Variants in TNNI3K observed in about 807,000 individuals in gnomAD.
TNNI3K encodes the protein serine/threonine-protein kinase TNNI3K.
Under a neutral mutation model 114.5 loss-of-function variants are expected in TNNI3K, and 140 were observed. The ratio of observed to expected loss-of-function variants is 1.22; its 90% CI spans 1.07 to 1.41. The LOEUF (loss-of-function observed/expected upper bound fraction) is 1.41, where lower values mean the gene tolerates loss of function less well. TNNI3K is among the 40% of genes most tolerant of loss of function. The pLI, the probability that TNNI3K is intolerant of heterozygous loss-of-function variation, is 0.00. For missense variants in TNNI3K, 1,125 were observed against 1,007.6 expected, an observed-to-expected ratio of 1.12 and a Z score of -1.58; for synonymous variants, 347 against 347.5, an observed-to-expected ratio of 1.00 and a Z score of 0.02.
intron 17 of TNNI3K, among the ~76,000 whole-genome samples, chr1:74,377,342 A>G (rs1439107001): frequency 6.6e-6 from 1 of 152,030 alleles, no homozygotes; most frequent in East Asian, 1.9e-4. Flanking sequence ...CACCCATGGT[A>G]CCTATGGCAC....
At chr1:74,441,981 GA>G (rs1570624277) in intron 20 of TNNI3K, among the ~76,000 whole-genome samples, 1 of 152,092 alleles carries the variant, frequency 6.6e-6, no homozygotes, top group East Asian at 1.9e-4. Flanking sequence ...TCCATCTTAT[GA>G]AAATTTTAAA....
intron 5 of TNNI3K, among the ~76,000 whole-genome samples, chr1:74,289,345 A>G (rs193226861): frequency 2.6e-5 from 4 of 152,120 alleles, no homozygotes; most frequent in Middle Eastern, 3.4e-3. Context: ...TCCCCATTTA[A>G]TATATCTTTT....
chr1:74,471,682 T>C (rs775560251), intron 21 of TNNI3K: 12 of 400,960 alleles, frequency 3.0e-5, no homozygotes, highest in Non-Finnish European at 4.4e-5. Flanking sequence ...CCTATTTATT[T>C]CTACTAAATC....
chr1:74,315,827 A>G (rs1182160657), intron 5 of TNNI3K, among the ~76,000 whole-genome samples: 2 of 152,136 alleles, frequency 1.3e-5, no homozygotes, highest in Admixed American at 6.5e-5. Flanking sequence ...TGTGTTCTAC[A>G]TATTTTTCTT....
intron 17 of TNNI3K, among the ~76,000 whole-genome samples, chr1:74,383,206 C>A (rs1001727528): frequency 3.1e-4 from 47 of 151,698 alleles, no homozygotes; most frequent in African/African-American, 1.1e-3. Context: ...GACAAAGTTT[C>A]TTCTTTTTTG....
intron 19 of TNNI3K, 155 bp from the exon 20 acceptor site, chr1:74,439,335 A>T: frequency 1.7e-6 from 2 of 1,195,588 alleles, no homozygotes; most frequent in Non-Finnish European, 2.2e-6. Context: ...TGTTTATTGC[A>T]CACACTGAGG....
chr1:74,522,994 C>G (rs1057139086), intron 23 of TNNI3K, among the ~76,000 whole-genome samples: 15 of 152,284 alleles, frequency 9.9e-5, no homozygotes, highest in Non-Finnish European at 2.1e-4. Context: ...AGGGGAAACC[C>G]CATGCATTCA....
At chr1:74,279,920 A>C (rs1448524637) in intron 5 of TNNI3K, among the ~76,000 whole-genome samples, 3 of 152,236 alleles carry the variant, frequency 2.0e-5, no homozygotes, top group African/African-American at 4.8e-5. Context: ...CAATTGAAAA[A>C]TGGGCTGAGA....
At chr1:74,249,799 G>T (rs1020288961) in intron 3 of TNNI3K, among the ~76,000 whole-genome samples, 1 of 152,074 alleles carries the variant, frequency 6.6e-6, no homozygotes, top group Non-Finnish European at 1.5e-5. Flanking sequence ...AAATCAAAAA[G>T]CACTTTTCAA....
At chr1:74,357,944 C>G (rs1661749304) in intron 11 of TNNI3K, among the ~76,000 whole-genome samples, 1 of 152,066 alleles carries the variant, frequency 6.6e-6, no homozygotes, top group African/African-American at 2.4e-5. Flanking sequence ...ATCCTCTGCC[C>G]TAATCACCAG....
At chr1:74,469,178 T>C (rs907255728) in intron 21 of TNNI3K, 20 of 152,102 alleles carry the variant, frequency 1.3e-4, no homozygotes, top group African/African-American at 4.6e-4. Context: ...TCTAAAATGA[T>C]TGAAGCTGAG....
intron 2 of TNNI3K, 112 bp from the exon 3 acceptor site, chr1:74,249,346 GA>G: frequency 2.7e-6 from 3 of 1,113,432 alleles, no homozygotes; most frequent in Admixed American, 5.8e-5. Context: ...AATAATCTTA[GA>G]AAAAATACAT....
intron 21 of TNNI3K, chr1:74,475,267 G>T: frequency 1.6e-6 from 1 of 625,450 alleles, no homozygotes; most frequent in Non-Finnish European, 2.9e-6. Context: ...TAAACGGAGT[G>T]GGATTTTCTA....
intron 23 of TNNI3K, among the ~76,000 whole-genome samples, chr1:74,499,635 A>G (rs1669508792): frequency 6.6e-6 from 1 of 152,130 alleles, no homozygotes; most frequent in Admixed American, 6.5e-5. Context: ...CCTGGTAGAT[A>G]AGAGGGGAGG....
At chr1:74,450,846 T>G (rs1260057389) in intron 20 of TNNI3K, among the ~76,000 whole-genome samples, 1 of 152,120 alleles carries the variant, frequency 6.6e-6, no homozygotes. Context: ...TGGTGATTCC[T>G]CAAAGGCCTA....
At position 74,540,292 on chromosome 1, in the gene TNNI3K, T is replaced by A. The variant is rs1421351025; in HGVS notation, c.2410T>A (p.Tyr804Asn). The change falls in exon 24 of 25, where the codon TAC (tyrosine) becomes AAC (asparagine). Residue 804 changes from tyrosine (Y) to asparagine (N), a missense_variant. By Grantham distance (143) the Tyr-to-Asn change is moderately radical. Transcript: ENST00000326637. ...SLEEMKRSLQ[Y>N]TPIDKYGYVS... is the part of the protein sequence containing the mutation. ...GGAGGAGATGAAAAGAAGTCTTCAATACACACCCATTGACAAATATGGTAA... is the reference window on the plus strand; with the variant it reads ...GGAGGAGATGAAAAGAAGTCTTCAAAACACACCCATTGACAAATATGGTAA... The A allele has an allele frequency of 1.2e-6, 2 of 1,612,248 alleles. No homozygotes were observed. Among genetic ancestry groups the A allele is most frequent in the Admixed American group, 3.3e-5 (2 of 59,886 alleles).
rs894294519 is a variant in TNNI3K, at chr1:74,367,842, T to G, written c.1265-66T>G. 5 of 1,435,080 alleles carry G rather than the reference T, an allele frequency of 3.5e-6. No individual in the cohort carries two copies. The African/African-American group carries it at 7.8e-5, about 22-fold the overall frequency. 88.9% of individuals were successfully genotyped at this position (1,435,080 alleles called of 1,614,324 possible). A position where few individuals can be genotyped will look rare whatever the true frequency, so the allele number is the denominator to read the frequency against. On this transcript the variant is annotated intron_variant, in intron 12 of 24. Coordinates refer to ENST00000326637, the MANE Select transcript of TNNI3K (RefSeq NM_015978.3). ...TTTCGTCACCTGCTTATTTTTATAATGTTGAACTTTTATGTAGAAAAAAAT... is the reference window on the plus strand; with the variant it reads ...TTTCGTCACCTGCTTATTTTTATAAGGTTGAACTTTTATGTAGAAAAAAAT...
chr1:74,390,980 C>T (rs924692080), intron 17 of TNNI3K, among the ~76,000 whole-genome samples: 1 of 65,928 alleles, frequency 1.5e-5, no homozygotes, highest in Non-Finnish European at 3.3e-5. Context: ...AAAAAAAAAA[C>T]TGTGTGACTG....
chr1:74,249,033 C>A (rs545507091), intron 2 of TNNI3K, among the ~76,000 whole-genome samples: 1 of 152,114 alleles, frequency 6.6e-6, no homozygotes, highest in African/African-American at 2.4e-5. Flanking sequence ...TATTTGACAA[C>A]AATTTTCTGA....
Sources: gnomAD v4.1 joint callset for allele counts (sites outside exome capture counted in the v4.1 genomes callset) on GRCh38, gnomAD v4.1.1 for gene constraint, MANE v1.5 for transcripts, NCBI Gene and HGNC (gene_info 2026-07-23, HGNC 2026-07-21) for gene names.